The following NR2C2 variants were observed in gnomAD, a reference collection of about 807,000 sequenced individuals.
NR2C2 encodes nuclear receptor subfamily 2 group C member 2.
In NR2C2, 6 loss-of-function variants were observed where a neutral mutation model predicts 62.9. That is an observed-to-expected ratio of 0.10 (90% CI 0.05 to 0.19). The LOEUF (loss-of-function observed/expected upper bound fraction) is 0.19, where lower values mean the gene tolerates loss of function less well. Among genes scored for constraint, NR2C2 ranks in the 10% least tolerant of loss-of-function variants. The probability of loss-of-function intolerance (pLI) is 1.00; values close to 1 mark genes in which losing one functional copy is unlikely to be tolerated. For missense variants in NR2C2, 479 were observed against 762.7 expected, an observed-to-expected ratio of 0.63 and a Z score of 4.38; for synonymous variants, 272 against 273.8, an observed-to-expected ratio of 0.99 and a Z score of 0.07.
chr3:14,967,921 A>G (rs889380561), intron 1 of NR2C2, among the ~76,000 whole-genome samples: 2 of 152,184 alleles, frequency 1.3e-5, no homozygotes, highest in African/African-American at 4.8e-5. Context: ...GTGCTGGGAA[A>G]ACTGGCTAGC....
chr3:15,034,318 G>T, intron 10 of NR2C2: 1 of 175,584 alleles, frequency 5.7e-6, no homozygotes, highest in Non-Finnish European at 1.2e-5. Flanking sequence ...TCATGACCTT[G>T]GCTGCAGGAC....
rs571024204 is a variant in NR2C2, at chr3:15,029,916, A to G, written c.933-359A>G. Among the ~76,000 whole-genome samples the G allele has an allele frequency of 2.2e-4, 33 of 152,288 alleles. 4 individuals carry two copies. Among genetic ancestry groups the G allele is most frequent in the South Asian group, 2.1e-3 (10 of 4,824 alleles). ...AAAGAGAAAAGGAAGGAAGGAAGGA[A>G]GGAAAGAGAGAAAAGGAAGGAAAAG... is the stretch of plus-strand genomic sequence containing the variant. On this transcript the variant is annotated intron_variant, in intron 8 of 13. Coordinates refer to ENST00000425241, the MANE Select transcript of NR2C2 (RefSeq NM_001291694.2).
rs2042406388 is a variant in NR2C2, at chr3:15,045,173, A to C, written c.*2165A>C. ...CATCCTGCAGCTCAGTGGTGCCTCTAACACAGATTGTTGCCTGCCTTCCGT... is the reference window on the plus strand; with the variant it reads ...CATCCTGCAGCTCAGTGGTGCCTCTCACACAGATTGTTGCCTGCCTTCCGT... On this transcript the variant is annotated 3_prime_UTR_variant, in exon 14 of 14. Transcript: ENST00000425241. 6.6e-6 allele frequency: 1 copy of C among 152,202 alleles called. No homozygotes were observed. Among genetic ancestry groups the C allele is most frequent in the Admixed American group, 6.5e-5 (1 of 15,282 alleles). 9.4% of individuals were successfully genotyped at this position (152,202 alleles called of 1,614,324 possible).
intron 1 of NR2C2, among the ~76,000 whole-genome samples, chr3:14,997,035 A>G (rs115347349): frequency 3.9e-4 from 59 of 152,366 alleles, no homozygotes; most frequent in South Asian, 1.4e-3. Flanking sequence ...AATTTTCAAT[A>G]CAGTCACAAA....
intron 4 of NR2C2, among the ~76,000 whole-genome samples, chr3:15,019,172 G>A (rs1371267575): frequency 2.0e-5 from 3 of 151,444 alleles, no homozygotes; most frequent in Admixed American, 6.6e-5. Context: ...GTTGCAGTGA[G>A]CCGAAATCAT....
At position 15,032,411 on chromosome 3, in the gene NR2C2, C is replaced by G. The variant is rs755964944; in HGVS notation, c.1143C>G (p.Leu381=). The G allele has an allele frequency of 6.2e-7, 1 of 1,614,218 alleles. No homozygotes were observed. Among genetic ancestry groups the G allele is most frequent in the East Asian group, 2.2e-5 (1 of 44,888 alleles). ...TGCCCAGTCCAATGCCAGAGTACCT[C>G]AACGTGCACTACATCTGTGAGTCTG... ...LTMPSPMPEY[L]NVHYICESAS... The change falls in exon 10 of 14, where the codon CTC becomes CTG. Residue 381 remains leucine, a synonymous_variant. Coordinates refer to ENST00000425241, the MANE Select transcript of NR2C2 (RefSeq NM_001291694.2).
intron 1 of NR2C2, among the ~76,000 whole-genome samples, chr3:15,002,338 T>C (rs2041031530): frequency 6.6e-6 from 1 of 152,234 alleles, no homozygotes; most frequent in African/African-American, 2.4e-5. Context: ...AATAATTATG[T>C]GGCTTCTGTC....
At chr3:14,976,323 T>G (rs1038182078) in intron 1 of NR2C2, among the ~76,000 whole-genome samples, 1 of 152,216 alleles carries the variant, frequency 6.6e-6, no homozygotes, top group Non-Finnish European at 1.5e-5. Flanking sequence ...TATATCCTGT[T>G]TGTATAAATC....
chr3:14,970,318 T>A (rs1289141335), intron 1 of NR2C2, among the ~76,000 whole-genome samples: 1 of 152,158 alleles, frequency 6.6e-6, no homozygotes. Context: ...TTGTTTTGTT[T>A]TTAATTGCGG....
At chr3:14,975,630 G>T (rs1047032381) in intron 1 of NR2C2, among the ~76,000 whole-genome samples, 2 of 152,102 alleles carry the variant, frequency 1.3e-5, no homozygotes, top group African/African-American at 4.8e-5. Context: ...ATTTTGTTGA[G>T]GATTTTTGCA....
At chr3:14,951,612 A>G (rs77151764) in intron 1 of NR2C2, among the ~76,000 whole-genome samples, 1 of 152,126 alleles carries the variant, frequency 6.6e-6, no homozygotes, top group South Asian at 2.1e-4. Context: ...ATGTTGTCTT[A>G]CATCGTTAAG....
chr3:15,004,671 C>G (rs1466443893), intron 2 of NR2C2: 1 of 1,579,568 alleles, frequency 6.3e-7, no homozygotes, highest in Admixed American at 1.7e-5. Flanking sequence ...ATATTGATGA[C>G]AAAGATTTAT....
intron 1 of NR2C2, among the ~76,000 whole-genome samples, chr3:14,968,210 A>G (rs1387252472): frequency 6.6e-6 from 1 of 152,200 alleles, no homozygotes; most frequent in Non-Finnish European, 1.5e-5. Context: ...CAACCTACAA[A>G]ATGGGAGAAA....
At chr3:14,986,456 C>T (rs919043047) in intron 1 of NR2C2, among the ~76,000 whole-genome samples, 1 of 152,114 alleles carries the variant, frequency 6.6e-6, no homozygotes. Context: ...ATGATAAAAA[C>T]GGTTGACAGG....
At chr3:14,949,374 G>A (rs1328697766) in intron 1 of NR2C2, among the ~76,000 whole-genome samples, 2 of 152,216 alleles carry the variant, frequency 1.3e-5, no homozygotes, top group African/African-American at 4.8e-5. Flanking sequence ...CCCGTGTAAC[G>A]GCCCTGGAGG....
Position 15,042,906 on chromosome 3 carries a change from T to TA in NR2C2, c.1690dup (p.Thr564AsnfsTer25). On this transcript the variant is annotated frameshift_variant, in exon 14 of 14. Coordinates refer to ENST00000425241, the MANE Select transcript of NR2C2 (RefSeq NM_001291694.2). LOFTEE classifies it high-confidence loss of function. The stretch of plus-strand genomic sequence containing the variant: ...CCAACATAACAGAAGAACTTTTTTT[T>TA]ACTGGTCTCATTGGCAATGTTTCGA... The TA allele has an allele frequency of 6.2e-7, 1 of 1,614,212 alleles. No individual in the cohort carries two copies. The highest frequency in any genetic ancestry group is 8.5e-7 in the Non-Finnish European group (1 of 1,180,028).
At chr3:15,040,455 T>C (rs373022233) in intron 13 of NR2C2, among the ~76,000 whole-genome samples, 1 of 152,232 alleles carries the variant, frequency 6.6e-6, no homozygotes, top group Non-Finnish European at 1.5e-5. Context: ...ATGTGTCCTC[T>C]GCACAGACCT....
chr3:14,993,362 G>A (rs2040723484), intron 1 of NR2C2, among the ~76,000 whole-genome samples: 1 of 151,778 alleles, frequency 6.6e-6, no homozygotes, highest in African/African-American at 2.4e-5. Context: ...GCTGAGGCAG[G>A]AGAATCGCTT....
At chr3:14,988,821 A>G (rs1223516689) in intron 1 of NR2C2, among the ~76,000 whole-genome samples, 1 of 152,082 alleles carries the variant, frequency 6.6e-6, no homozygotes, top group African/African-American at 2.4e-5. Flanking sequence ...CATTCATCAC[A>G]TATGGTGAAT....
Sources: gnomAD v4.1 joint callset for allele counts (sites outside exome capture counted in the v4.1 genomes callset) on GRCh38, gnomAD v4.1.1 for gene constraint, MANE v1.5 for transcripts, NCBI Gene and HGNC (gene_info 2026-07-23, HGNC 2026-07-21) for gene names.